The following ABCC4 variants were observed in gnomAD, a reference collection of about 807,000 sequenced individuals.
The protein encoded by ABCC4 is ATP-binding cassette sub-family C member 4.
Under a neutral mutation model 168.5 loss-of-function variants are expected in ABCC4, and 102 were observed. The observed-to-expected ratio is 0.61, with a 90% confidence interval of 0.52 to 0.71. The LOEUF is 0.71. Among genes scored for constraint, ABCC4 ranks in the 30% least tolerant of loss-of-function variants. The pLI is 0.00. For missense variants in ABCC4, 1,402 were observed against 1,605.8 expected (o/e 0.87, Z 2.17); for synonymous variants, 617 against 590.7 (o/e 1.04, Z -0.65).
intron 1 of ABCC4, among the ~76,000 whole-genome samples, chr13:95,251,664 C>A (rs1050005985): frequency 6.6e-6 from 1 of 152,090 alleles, no homozygotes; most frequent in African/African-American, 2.4e-5. Context: ...AGGAGGTAAG[C>A]GAGAAGGCAG....
At chr13:95,052,524 C>G (rs1418152926) in intron 27 of ABCC4, among the ~76,000 whole-genome samples, 1 of 152,096 alleles carries the variant, frequency 6.6e-6, no homozygotes, top group Non-Finnish European at 1.5e-5. Flanking sequence ...ATAGAAAAAT[C>G]CTCTAGAAAT....
chr13:95,234,308 GC>G (rs2039702451), intron 4 of ABCC4, among the ~76,000 whole-genome samples: 1 of 152,154 alleles, frequency 6.6e-6, no homozygotes, highest in African/African-American at 2.4e-5. Context: ...TTCTGCAACA[GC>G]CTGTTATCAA....
chr13:95,102,380 A>T (rs1242559186), intron 20 of ABCC4, among the ~76,000 whole-genome samples: 1 of 152,028 alleles, frequency 6.6e-6, no homozygotes, highest in Non-Finnish European at 1.5e-5. Context: ...TCCTGGGTTC[A>T]AGAGTTCTTT....
At chr13:95,062,566 C>G in intron 26 of ABCC4, 138 bp downstream of exon 26, 1 of 728,168 alleles carries the variant, frequency 1.4e-6, no homozygotes, top group Non-Finnish European at 2.2e-6. Context: ...TTGAAAATAT[C>G]TGCTCATAAA....
At chr13:95,290,923 G>A (rs562855832) in intron 1 of ABCC4, among the ~76,000 whole-genome samples, 51 of 144,262 alleles carry the variant, frequency 3.5e-4, no homozygotes, top group African/African-American at 1.2e-3. Context: ...CTTGAACCCC[G>A]GGAGGCAGAG....
At chr13:95,146,137 A>G (rs2036485901) in intron 19 of ABCC4, among the ~76,000 whole-genome samples, 1 of 151,360 alleles carries the variant, frequency 6.6e-6, no homozygotes, top group Non-Finnish European at 1.5e-5. Context: ...CTTACACCCC[A>G]GAGGCGGAAG....
At chr13:95,200,836 T>C (rs1272978914) in intron 8 of ABCC4, among the ~76,000 whole-genome samples, 1 of 152,150 alleles carries the variant, frequency 6.6e-6, no homozygotes, top group Non-Finnish European at 1.5e-5. Flanking sequence ...CTGATGAACT[T>C]GGGGACAAAA....
At chr13:95,273,480 GAGC>G (rs2040893801) in intron 1 of ABCC4, among the ~76,000 whole-genome samples, 1 of 152,186 alleles carries the variant, frequency 6.6e-6, no homozygotes, top group African/African-American at 2.4e-5. Context: ...TTCCCTGGAG[GAGC>G]AGATCATTGA....
intron 19 of ABCC4, among the ~76,000 whole-genome samples, chr13:95,159,136 T>A (rs1750993): frequency 5.4e-5 from 7 of 128,974 alleles, no homozygotes; most frequent in African/African-American, 2.0e-4. Flanking sequence ...TATATATAAC[T>A]ATTGAAGTGC....
intron 8 of ABCC4, among the ~76,000 whole-genome samples, 161 bp downstream of exon 8, chr13:95,206,367 CTCTA>C (rs1391084265): frequency 6.6e-6 from 1 of 152,204 alleles, no homozygotes; most frequent in Non-Finnish European, 1.5e-5. Flanking sequence ...CTTTACCGCG[CTCTA>C]TCTAAGATAG....
At chr13:95,266,827 C>CTTTT (rs35329015) in intron 1 of ABCC4, among the ~76,000 whole-genome samples, 1 of 130,744 alleles carries the variant, frequency 7.6e-6, no homozygotes, top group African/African-American at 2.9e-5. Context: ...ACTCAAATCT[C>CTTTT]TTTTTTTTTT....
At chr13:95,139,915 C>T (rs1036712162) in intron 19 of ABCC4, among the ~76,000 whole-genome samples, 6 of 152,186 alleles carry the variant, frequency 3.9e-5, no homozygotes, top group Admixed American at 1.3e-4. Flanking sequence ...ACGAAGCTGG[C>T]AACCATGCAG....
intron 8 of ABCC4, among the ~76,000 whole-genome samples, chr13:95,200,167 T>TTAA (rs2038583076): frequency 6.6e-6 from 1 of 152,212 alleles, no homozygotes; most frequent in Non-Finnish European, 1.5e-5. Context: ...TTTATCACAG[T>TTAA]GCCAGCTTAA....
chr13:95,247,016 A>C lies in ABCC4; in HGVS notation c.265T>G (p.Trp89Gly). 1 of 1,612,362 alleles carries C rather than the reference A, an allele frequency of 6.2e-7. No individual in the cohort carries two copies. The highest frequency in any genetic ancestry group is 8.5e-7 in the Non-Finnish European group (1 of 1,178,562). ...SLTRAIIKCY[W>G]KSYLVLGIFT... ...ATTCCCAAAACTAAATAAGATTTCC[A>C]GTAACACTTTATGATTGCTCTTGTT... Residue 89 changes from tryptophan (W) to glycine (G), a missense_variant, in exon 3 of 31, where the codon TGG becomes GGG. Transcript: ENST00000645237.
chr13:95,032,153 T>A (rs747785866), intron 30 of ABCC4, among the ~76,000 whole-genome samples: 16 of 152,216 alleles, frequency 1.1e-4, no homozygotes, highest in Non-Finnish European at 2.1e-4. Flanking sequence ...TCTTTATTCA[T>A]ACACAATGTG....
At chr13:95,214,826 C>T (rs2039064839) in intron 4 of ABCC4, among the ~76,000 whole-genome samples, 1 of 138,852 alleles carries the variant, frequency 7.2e-6, no homozygotes, top group African/African-American at 2.7e-5. Flanking sequence ...GCAGAGGTTG[C>T]AGTGAGCCGA....
chr13:95,128,625 C>A (rs1360457152), intron 19 of ABCC4, among the ~76,000 whole-genome samples: 1 of 152,172 alleles, frequency 6.6e-6, no homozygotes, highest in African/African-American at 2.4e-5. Context: ...GGAAAAATCA[C>A]AGACTCAGAA....
chr13:95,041,864 C>A (rs9302040), intron 29 of ABCC4, among the ~76,000 whole-genome samples: 24,263 of 152,128 alleles, frequency 0.16, 2,232 homozygotes, highest in African/African-American at 0.25. Flanking sequence ...CTACAGAATG[C>A]ATGTCTCCTG....
chr13:95,243,695 C>T (rs1594367027), intron 3 of ABCC4, among the ~76,000 whole-genome samples: 2 of 152,010 alleles, frequency 1.3e-5, no homozygotes, highest in South Asian at 2.1e-4. Flanking sequence ...TAGACCGGCC[C>T]GGACAACATG....
Sources: allele counts gnomAD v4.1 joint callset (sites outside exome capture counted in the v4.1 genomes callset), GRCh38; gene constraint gnomAD v4.1.1; transcripts MANE v1.5; gene names NCBI Gene and HGNC (gene_info 2026-07-23, HGNC 2026-07-21).